Variants in KMT2C observed in about 807,000 individuals in gnomAD.
KMT2C encodes the protein lysine methyltransferase 2C.
A neutral mutation model predicts 507.9 loss-of-function variants in KMT2C; 88 were observed. The ratio of observed to expected loss-of-function variants is 0.17; its 90% CI spans 0.15 to 0.21. KMT2C has a LOEUF of 0.21. KMT2C is among the 10% of genes least tolerant of loss of function. The pLI is 1.00. For synonymous variants in KMT2C, 2,049 were observed against 2,080.8 expected (o/e 0.98, Z 0.42); for missense variants, 4,954 against 5,957.8 (o/e 0.83, Z 5.55).
At chr7:152,201,332 G>A (rs1352720580) in intron 26 of KMT2C, among the ~76,000 whole-genome samples, 2 of 132,014 alleles carry the variant, frequency 1.5e-5, no homozygotes, top group Non-Finnish European at 3.3e-5. Context: ...ACACACACAC[G>A]CTGAAAGTTA....
chr7:152,156,934 T>G (rs1181771254), intron 44 of KMT2C, among the ~76,000 whole-genome samples: 1 of 152,210 alleles, frequency 6.6e-6, no homozygotes, highest in East Asian at 1.9e-4. Context: ...CACCAATTTG[T>G]CATTTACTGA....
intron 6 of KMT2C, among the ~76,000 whole-genome samples, chr7:152,290,226 G>C (rs1223000870): frequency 3.2e-5 from 3 of 95,044 alleles, no homozygotes; most frequent in Non-Finnish European, 5.6e-5. Context: ...ATATATGTGT[G>C]TGTGTGTGTG....
chr7:152,345,659 G>A (rs2097051383), intron 2 of KMT2C, among the ~76,000 whole-genome samples: 1 of 151,948 alleles, frequency 6.6e-6, no homozygotes, highest in African/African-American at 2.4e-5. Context: ...TGAGTAGCTG[G>A]GACAGTACCC....
chr7:152,302,913 G>A (rs1408701472), intron 6 of KMT2C, among the ~76,000 whole-genome samples: 2 of 151,984 alleles, frequency 1.3e-5, no homozygotes, highest in African/African-American at 2.4e-5. Flanking sequence ...CAAAGTGCTG[G>A]GATTACAGGC....
At chr7:152,323,211 G>A (rs2096787689) in intron 3 of KMT2C, among the ~76,000 whole-genome samples, 1 of 151,916 alleles carries the variant, frequency 6.6e-6, no homozygotes, top group African/African-American at 2.4e-5. Context: ...ATGTCAAAAG[G>A]ATATCTGCAT....
At chr7:152,319,545 T>A (rs1047521276) in intron 3 of KMT2C, among the ~76,000 whole-genome samples, 6 of 152,000 alleles carry the variant, frequency 3.9e-5, no homozygotes, top group African/African-American at 1.4e-4. Flanking sequence ...CACCCACTAC[T>A]TAGCAGACCG....
intron 38 of KMT2C, among the ~76,000 whole-genome samples, chr7:152,174,620 A>C (rs1020327481): frequency 1.3e-5 from 2 of 152,222 alleles, no homozygotes; most frequent in Non-Finnish European, 2.9e-5. Flanking sequence ...ATCACTCTTA[A>C]AAGAAAAATG....
At chr7:152,266,807 G>A (rs2095865474) in intron 7 of KMT2C, among the ~76,000 whole-genome samples, 2 of 152,306 alleles carry the variant, frequency 1.3e-5, no homozygotes, top group Admixed American at 1.3e-4. Flanking sequence ...CTTGAGGGCA[G>A]TACAAAAACA....
chr7:152,377,598 G>A lies in KMT2C; in HGVS notation c.162-18923C>T, dbSNP rs185035054. ...AAAAATACAAAAATAAGCCGGGCGTGGTGGCACACACCTGTAGTCCCAGAT... is the reference window on the plus strand; with the variant it reads ...AAAAATACAAAAATAAGCCGGGCGTAGTGGCACACACCTGTAGTCCCAGAT... On this transcript the variant is annotated intron_variant, in intron 1 of 58. Transcript: ENST00000262189. 7.9e-4 allele frequency among the ~76,000 whole-genome samples: 120 copies of A among 152,160 alleles called. 2 individuals carry two copies. The South Asian group carries it at 0.01, about 13-fold the overall frequency.
chr7:152,335,472 G>A (rs2096650046), intron 2 of KMT2C, among the ~76,000 whole-genome samples: 1 of 152,054 alleles, frequency 6.6e-6, no homozygotes, highest in African/African-American at 2.4e-5. Flanking sequence ...GCCCAGGGTC[G>A]CAAATCATTA....
chr7:152,366,659 C>T (rs2097247772), intron 1 of KMT2C: 2 of 154,120 alleles, frequency 1.3e-5, no homozygotes, highest in Admixed American at 1.3e-4. Flanking sequence ...TTTTAAAAAG[C>T]TATGAAAATG....
intron 43 of KMT2C, among the ~76,000 whole-genome samples, chr7:152,160,283 C>T (rs1432682549): frequency 6.6e-6 from 1 of 152,068 alleles, no homozygotes; most frequent in Non-Finnish European, 1.5e-5. Context: ...GTCTCCAGGG[C>T]GGCAGCAGCA....
intron 41 of KMT2C, among the ~76,000 whole-genome samples, chr7:152,167,664 C>T (rs1563221763): frequency 6.6e-6 from 1 of 151,276 alleles, no homozygotes; most frequent in African/African-American, 2.4e-5. Flanking sequence ...TAATGAAATT[C>T]TTTTTTTTTA....
chr7:152,366,078 A>AC (rs1349686626), intron 1 of KMT2C, among the ~76,000 whole-genome samples: 1 of 152,242 alleles, frequency 6.6e-6, no homozygotes, highest in Non-Finnish European at 1.5e-5. Context: ...ACTGTGAAAA[A>AC]TAAAAAAAAG....
intron 1 of KMT2C, among the ~76,000 whole-genome samples, chr7:152,364,034 G>C (rs1228200546): frequency 6.6e-6 from 1 of 152,090 alleles, no homozygotes; most frequent in Non-Finnish European, 1.5e-5. Context: ...TAGGAGCAGG[G>C]CTAAATGAGC....
intron 31 of KMT2C, among the ~76,000 whole-genome samples, 190 bp from the exon 32 acceptor site, chr7:152,188,037 A>G (rs2129125340): frequency 1.3e-5 from 2 of 152,308 alleles, no homozygotes; most frequent in South Asian, 4.1e-4. Context: ...CTTGTATGCC[A>G]AGCTCCATAG....
At chr7:152,373,372 G>A (rs2097305820) in intron 1 of KMT2C, among the ~76,000 whole-genome samples, 3 of 152,192 alleles carry the variant, frequency 2.0e-5, no homozygotes, top group Admixed American at 6.5e-5. Context: ...TTTGTTGAAA[G>A]AGTAGATGGT....
At chr7:152,197,661 T>C (rs1400239362) in intron 27 of KMT2C, among the ~76,000 whole-genome samples, 3 of 152,236 alleles carry the variant, frequency 2.0e-5, no homozygotes, top group Non-Finnish European at 4.4e-5. Flanking sequence ...TTATAACTAA[T>C]TTTTTAAAGA....
chr7:152,142,094 A>T (rs996114858), intron 55 of KMT2C, among the ~76,000 whole-genome samples: 1 of 152,252 alleles, frequency 6.6e-6, no homozygotes, highest in African/African-American at 2.4e-5. Flanking sequence ...CTGGTTATCC[A>T]ATGGAAGAAA....
Sources: gnomAD v4.1 joint callset for allele counts (sites outside exome capture counted in the v4.1 genomes callset) on GRCh38, gnomAD v4.1.1 for gene constraint, MANE v1.5 for transcripts, NCBI Gene and HGNC (gene_info 2026-07-23, HGNC 2026-07-21) for gene names.